Variants in EXOC6 observed in about 807,000 individuals in gnomAD.
EXOC6 encodes SEC15-like 1.
Under a neutral mutation model 112.5 loss-of-function variants are expected in EXOC6, and 60 were observed. The ratio of observed to expected loss-of-function variants is 0.53; its 90% CI spans 0.43 to 0.66. EXOC6 has a LOEUF of 0.66. Among genes scored for constraint, EXOC6 ranks in the 30% least tolerant of loss-of-function variants. The pLI is 0.00. For missense variants in EXOC6, 855 were observed against 957.1 expected, an observed-to-expected ratio of 0.89 and a Z score of 1.41; for synonymous variants, 295 against 308.0, an observed-to-expected ratio of 0.96 and a Z score of 0.44.
chr10:93,052,557 G>GT (rs775788834), intron 20 of EXOC6, among the ~76,000 whole-genome samples: 3 of 152,068 alleles, frequency 2.0e-5, no homozygotes, highest in Non-Finnish European at 4.4e-5. Flanking sequence ...GTTATGAAGG[G>GT]TATTTTTGAA....
intron 18 of EXOC6, among the ~76,000 whole-genome samples, chr10:92,981,147 A>T (rs1842810797): frequency 1.3e-5 from 2 of 152,236 alleles, no homozygotes; most frequent in African/African-American, 4.8e-5. Context: ...TGTTTTTTAA[A>T]CAAGATTTTA....
intron 18 of EXOC6, among the ~76,000 whole-genome samples, chr10:92,979,843 G>A (rs1480024496): frequency 6.8e-6 from 1 of 146,670 alleles, no homozygotes; most frequent in Non-Finnish European, 1.5e-5. Flanking sequence ...GCTTTAGTGA[G>A]CTGAGATCAT....
chr10:92,997,716 G>A, intron 19 of EXOC6, 101 bp downstream of exon 19: 1 of 1,069,124 alleles, frequency 9.4e-7, no homozygotes, highest in East Asian at 3.0e-5. Context: ...GGAGGGAGAA[G>A]GCCTGGTTCA....
At chr10:92,884,999 G>A (rs978486063) in intron 1 of EXOC6, among the ~76,000 whole-genome samples, 5 of 152,112 alleles carry the variant, frequency 3.3e-5, no homozygotes, top group East Asian at 1.9e-4. Flanking sequence ...GATGATAAAA[G>A]CATTAATTTC....
chr10:92,907,063 A>G (rs1421370922), intron 5 of EXOC6, among the ~76,000 whole-genome samples: 1 of 152,166 alleles, frequency 6.6e-6, no homozygotes, highest in Non-Finnish European at 1.5e-5. Context: ...GCCTAAAATG[A>G]TAAACTTTCT....
At chr10:92,915,592 A>G (rs1851038490) in intron 6 of EXOC6, among the ~76,000 whole-genome samples, 166 bp from the exon 7 acceptor site, 1 of 149,818 alleles carries the variant, frequency 6.7e-6, no homozygotes, top group Non-Finnish European at 1.5e-5. Flanking sequence ...TTTTTTAAAA[A>G]AAGGAAATGA....
chr10:92,893,612 T>C (rs1849611714), intron 2 of EXOC6, 92 bp downstream of exon 2: 2 of 1,089,068 alleles, frequency 1.8e-6, no homozygotes, highest in East Asian at 2.4e-5. Flanking sequence ...TTATTAAGTA[T>C]GTTACTTTCA....
intron 4 of EXOC6, among the ~76,000 whole-genome samples, chr10:92,896,145 GTGTATATATATA>G (rs1564809857): frequency 4.9e-5 from 1 of 20,308 alleles, no homozygotes; most frequent in Non-Finnish European, 7.3e-5. Flanking sequence ...GTGTATGTAT[GTGTATATATATA>G]TATATATATA....
intron 18 of EXOC6, among the ~76,000 whole-genome samples, chr10:92,994,712 A>G (rs958309490): frequency 6.6e-6 from 1 of 152,052 alleles, no homozygotes; most frequent in Non-Finnish European, 1.5e-5. Context: ...AGATCGTTGT[A>G]AAAGTACTCA....
At position 92,916,209 on chromosome 10, in the gene EXOC6, C is replaced by T. The variant is rs187466973; in HGVS notation, c.819+296C>T. 2.6e-3 allele frequency among the ~76,000 whole-genome samples: 396 copies of T among 152,188 alleles called. 2 individuals carry two copies. Among genetic ancestry groups the T allele is most frequent in the Middle Eastern group, 6.8e-3 (2 of 294 alleles). ...GGACAGCTAGCCGCTTACATGTGAACACTTGTCTGTTTCAAAACAGGCCAG... is the reference window on the plus strand; with the variant it reads ...GGACAGCTAGCCGCTTACATGTGAATACTTGTCTGTTTCAAAACAGGCCAG... On this transcript the variant is annotated intron_variant, in intron 7 of 21. Coordinates refer to ENST00000260762, the MANE Select transcript of EXOC6 (RefSeq NM_019053.6).
chr10:93,024,530 C>A (rs187580047), intron 20 of EXOC6, among the ~76,000 whole-genome samples: 1 of 152,096 alleles, frequency 6.6e-6, no homozygotes, highest in South Asian at 2.1e-4. Flanking sequence ...CTCCGGGGTT[C>A]GAGCGATTTT....
intron 20 of EXOC6, among the ~76,000 whole-genome samples, chr10:93,051,280 A>G (rs1246067520): frequency 1.3e-5 from 2 of 152,214 alleles, no homozygotes; most frequent in African/African-American, 4.8e-5. Flanking sequence ...ACTTGAAGAG[A>G]CTAATTCCTT....
chr10:92,902,486 T>C (rs1396609928), intron 5 of EXOC6, among the ~76,000 whole-genome samples: 5 of 152,112 alleles, frequency 3.3e-5, no homozygotes, highest in Non-Finnish European at 7.4e-5. Context: ...AAATTTCTGC[T>C]AATTTTTAAT....
At chr10:92,942,530 G>A (rs1176734199) in intron 13 of EXOC6, among the ~76,000 whole-genome samples, 1 of 152,100 alleles carries the variant, frequency 6.6e-6, no homozygotes, top group Non-Finnish European at 1.5e-5. Flanking sequence ...ATCCCAGATG[G>A]ATAATTGACA....
intron 21 of EXOC6, 104 bp downstream of exon 21, chr10:93,057,140 GAGCTTAAA>G (rs1846582350): frequency 1.7e-6 from 1 of 598,144 alleles, no homozygotes; most frequent in East Asian, 3.2e-5. Flanking sequence ...AGTCTAGATG[GAGCTTAAA>G]AGCTCACTCT....
intron 1 of EXOC6, among the ~76,000 whole-genome samples, chr10:92,850,290 A>G (rs1488627987): frequency 6.6e-6 from 1 of 152,236 alleles, no homozygotes; most frequent in Non-Finnish European, 1.5e-5. Flanking sequence ...GAATATGTGT[A>G]TTCATAGTGT....
chr10:92,979,851 C>G (rs947242895), intron 18 of EXOC6, among the ~76,000 whole-genome samples: 2 of 140,920 alleles, frequency 1.4e-5, no homozygotes, highest in Non-Finnish European at 3.0e-5. Flanking sequence ...GAGCTGAGAT[C>G]ATGCCACAGC....
intron 20 of EXOC6, among the ~76,000 whole-genome samples, chr10:93,048,790 T>G (rs1237220266): frequency 6.6e-6 from 1 of 151,842 alleles, no homozygotes; most frequent in Non-Finnish European, 1.5e-5. Flanking sequence ...TTAACATCTT[T>G]TTGCATTCAT....
chr10:92,848,772 C>G, intron 1 of EXOC6, 138 bp downstream of exon 1: 1 of 588,500 alleles, frequency 1.7e-6, no homozygotes, highest in Non-Finnish European at 2.3e-6. Context: ...CGGGGGCGCT[C>G]GCGGGTGGCG....
Sources: gnomAD v4.1 joint callset for allele counts (sites outside exome capture counted in the v4.1 genomes callset) on GRCh38, gnomAD v4.1.1 for gene constraint, MANE v1.5 for transcripts, NCBI Gene and HGNC (gene_info 2026-07-23, HGNC 2026-07-21) for gene names.